INO80E: variants seen among roughly 807,000 people sequenced by gnomAD.
INO80E encodes the protein coiled-coil domain containing 95.
A neutral mutation model predicts 27.3 loss-of-function variants in INO80E; 20 were observed. The observed-to-expected ratio is 0.73, with a 90% CI of 0.51 to 1.06. INO80E has a LOEUF of 1.06. Ranked by LOEUF, INO80E falls within the 50% of genes least tolerant of loss-of-function variation. The pLI, the probability that INO80E is intolerant of heterozygous loss-of-function variation, is 0.00. For synonymous variants in INO80E, 167 were observed against 145.9 expected, an observed-to-expected ratio of 1.14 and a Z score of -1.04; for missense variants, 357 against 322.8, an observed-to-expected ratio of 1.11 and a Z score of -0.81.
At chr16:30,004,898 C>T (rs574250255) in intron 6 of INO80E, among the ~76,000 whole-genome samples, 112 of 152,112 alleles carry the variant, frequency 7.4e-4, no homozygotes, top group Non-Finnish European at 1.0e-3. Context: ...CACTCCAGGC[C>T]GACTCCGCCT....
At chr16:30,004,843 G>A (rs957718387) in intron 6 of INO80E, among the ~76,000 whole-genome samples, 4 of 152,168 alleles carry the variant, frequency 2.6e-5, no homozygotes, top group African/African-American at 9.7e-5. Flanking sequence ...GTAGGGAGAG[G>A]AAGCTGGTGG....
In INO80E at chr16:30,001,425, C is replaced by CCG. The variant is rs766150007; in HGVS notation, c.410_411dup (p.Tyr138AlafsTer20). 6.2e-7 allele frequency: 1 copy of CCG among 1,601,882 alleles called. No individual in the cohort carries two copies. The highest frequency in any genetic ancestry group is 2.3e-5 in the East Asian group (1 of 44,382). ...GCTCCCGCCCGCAGCTGGCCTCCTC[C>CCG]CGCTACCCCCCATTCCCTTCTGACT... is the stretch of plus-strand genomic sequence containing the variant. On this transcript the variant is annotated frameshift_variant, in exon 6 of 7. Coordinates refer to ENST00000563197, the MANE Select transcript of INO80E (RefSeq NM_173618.3). LOFTEE classifies it high-confidence loss of function.
intron 2 of INO80E, 56 bp from the exon 3 acceptor site, chr16:29,996,752 A>G (rs954179752): frequency 3.1e-6 from 5 of 1,603,532 alleles, no homozygotes; most frequent in Non-Finnish European, 3.4e-6. Flanking sequence ...ACAGGTACCC[A>G]GGAGGACATT....
rs2070347220 is a variant in INO80E at position 30,001,395 on chromosome 16, T to C, written c.397-19T>C. The C allele has an allele frequency of 1.3e-6, 2 of 1,569,560 alleles. No homozygotes were observed. Among genetic ancestry groups the C allele is most frequent in the East Asian group, 4.7e-5 (2 of 42,686 alleles). ...CGGTCCATTCCGCCTCCCATCTCCATCCCCGCTCCCGCCCGCAGCTGGCCT... is the reference window on the plus strand; with the variant it reads ...CGGTCCATTCCGCCTCCCATCTCCACCCCCGCTCCCGCCCGCAGCTGGCCT... On this transcript the variant is annotated intron_variant, in intron 5 of 6. Coordinates refer to ENST00000563197, the MANE Select transcript of INO80E (RefSeq NM_173618.3).
intron 6 of INO80E, 50 bp from the exon 7 acceptor site, chr16:30,005,170 GC>G: frequency 1.4e-6 from 2 of 1,426,410 alleles, no homozygotes; most frequent in East Asian, 2.8e-5. Flanking sequence ...GTCTCCTGAG[GC>G]CCCAGTGCCT....
intron 3 of INO80E, among the ~76,000 whole-genome samples, chr16:29,998,583 C>T (rs2070226599): frequency 6.6e-6 from 1 of 152,134 alleles, no homozygotes; most frequent in African/African-American, 2.4e-5. Flanking sequence ...CTGCTTTTTT[C>T]CCCTTCTTTT....
At chr16:29,999,846 G>A (rs1192835311) in intron 3 of INO80E, among the ~76,000 whole-genome samples, 1 of 152,144 alleles carries the variant, frequency 6.6e-6, no homozygotes, top group African/African-American at 2.4e-5. Context: ...GGTTGGGGGT[G>A]GACAGTGGGT....
At chr16:30,004,982 G>A (rs1192768258) in intron 6 of INO80E, among the ~76,000 whole-genome samples, 3 of 152,116 alleles carry the variant, frequency 2.0e-5, no homozygotes, top group Admixed American at 1.3e-4. Context: ...TTTCCCTCCC[G>A]GTTTCCTGTG....
intron 6 of INO80E, chr16:30,004,774 A>G: frequency 6.4e-6 from 1 of 157,440 alleles, no homozygotes; most frequent in Non-Finnish European, 1.4e-5. Context: ...CTCCTGGCTC[A>G]GGCAGCCTGC....
intron 3 of INO80E, chr16:29,999,664 G>C (rs1238469531): frequency 2.0e-5 from 3 of 152,244 alleles, no homozygotes; most frequent in Non-Finnish European, 4.4e-5. Context: ...CACTGAACTA[G>C]GAAATACATT....
chr16:29,996,260 C>A lies in INO80E; in HGVS notation c.-51C>A. On this transcript the variant is annotated 5_prime_UTR_variant, in exon 1 of 7. It adds an upstream start codon to the 5' untranslated region. Transcript: ENST00000563197. ...GGAGGCGGGAGCGGCACGGCAGCCA[C>A]TGCTTGGGGTAGCGGGAGGGCAGAC... The A allele has an allele frequency of 6.5e-7, 1 of 1,531,730 alleles. No individual in the cohort carries two copies. The highest frequency in any genetic ancestry group is 8.9e-7 in the Non-Finnish European group (1 of 1,129,328). 94.9% of individuals were successfully genotyped at this position (1,531,730 alleles called of 1,614,324 possible).
Position 29,996,537 on chromosome 16 carries a change from C to G in INO80E, c.82-10C>G, listed in dbSNP as rs1423346746. 6.4e-7 allele frequency: 1 copy of G among 1,561,328 alleles called. No homozygotes were observed. The highest frequency in any genetic ancestry group is 8.7e-7 in the Non-Finnish European group (1 of 1,152,628). Reference sequence around the variant, plus strand: ...CCGTTGGCCCAGCGCACCCCTTGCCCGTGATACAGGAGCACGAGTGCTTCC... The same window carrying G: ...CCGTTGGCCCAGCGCACCCCTTGCCGGTGATACAGGAGCACGAGTGCTTCC... On this transcript the variant is annotated splice_polypyrimidine_tract_variant and intron_variant, in intron 1 of 6. Transcript: ENST00000563197.
rs1319361483 is a variant in INO80E, at chr16:30,005,346, C to G, written c.639C>G (p.Ile213Met). ...CCCCTAAGATGCCCCCCCCCACGAT[C>G]CTGAGCACGGTCCCTCGGCAGATGT... is the stretch of plus-strand genomic sequence containing the variant. Reference protein sequence around the residue: ...LPPPKMPPPTILSTVPRQMFS... With the variant: ...LPPPKMPPPTMLSTVPRQMFS... The change falls in exon 7 of 7, where the codon ATC (isoleucine) becomes ATG (methionine). Residue 213 changes from isoleucine (I) to methionine (M), a missense_variant. Coordinates refer to ENST00000563197, the MANE Select transcript of INO80E (RefSeq NM_173618.3). The G allele has an allele frequency of 6.6e-7, 1 of 1,516,838 alleles. No homozygotes were observed. The highest frequency in any genetic ancestry group is 1.3e-5 in the South Asian group (1 of 78,658). 94.0% of individuals were successfully genotyped at this position (1,516,838 alleles called of 1,614,324 possible). A position where few individuals can be genotyped will look rare whatever the true frequency, so the allele number is the denominator to read the frequency against.
At chr16:30,001,609 T>C (rs1451213609) in intron 6 of INO80E, 79 bp downstream of exon 6, 1 of 1,360,870 alleles carries the variant, frequency 7.3e-7, no homozygotes, top group Non-Finnish European at 1.0e-6. Flanking sequence ...GGCGGGGGCC[T>C]GTCAGAGAAC....
chr16:30,001,256 A>C (rs1019533454), intron 5 of INO80E, 158 bp from the exon 6 acceptor site: 2 of 1,492,078 alleles, frequency 1.3e-6, no homozygotes, highest in Non-Finnish European at 1.8e-6. Context: ...CCAGGACAGC[A>C]TCCTGCTGCT....
intron 3 of INO80E, chr16:29,999,501 G>C (rs1371487548): frequency 6.6e-6 from 1 of 152,290 alleles, no homozygotes; most frequent in Non-Finnish European, 1.5e-5. Flanking sequence ...AGAGCCTGCA[G>C]TTAACTGGGC....
intron 5 of INO80E, 102 bp downstream of exon 5, chr16:30,001,142 T>G: frequency 3.4e-6 from 5 of 1,468,970 alleles, no homozygotes; most frequent in Non-Finnish European, 4.5e-6. Context: ...TTTGGGGACA[T>G]CTGTCTGGGT....
At chr16:29,997,188 A>G (rs1336014566) in intron 3 of INO80E, among the ~76,000 whole-genome samples, 1 of 152,216 alleles carries the variant, frequency 6.6e-6, no homozygotes, top group Non-Finnish European at 1.5e-5. Flanking sequence ...CTTGAAGGTA[A>G]TGAAAACAGT....
intron 2 of INO80E, 39 bp from the exon 3 acceptor site, chr16:29,996,769 C>G (rs1464454611): frequency 5.6e-6 from 9 of 1,611,412 alleles, no homozygotes; most frequent in Non-Finnish European, 7.6e-6. Flanking sequence ...CATTGCTGCG[C>G]TGGAAAATCA....
Sources: allele counts gnomAD v4.1 joint callset (sites outside exome capture counted in the v4.1 genomes callset), GRCh38; gene constraint gnomAD v4.1.1; transcripts MANE v1.5; gene names NCBI Gene and HGNC (gene_info 2026-07-23, HGNC 2026-07-21).